Variants in GAP43 observed in about 807,000 individuals in gnomAD.
The protein encoded by GAP43 is neuromodulin.
GAP43 carries 6 observed loss-of-function variants against 18.6 expected under a neutral mutation model. That is an observed-to-expected ratio of 0.32 (90% confidence interval 0.18 to 0.64). The LOEUF is 0.64. GAP43 is among the 30% of genes least tolerant of loss of function. GAP43 has a pLI of 0.78. For missense variants in GAP43, 292 were observed against 295.5 expected (o/e 0.99, Z 0.09); for synonymous variants, 115 against 111.4 (o/e 1.03, Z -0.20).
chr3:115,675,914 C>A, intron 1 of GAP43, 99 bp from the exon 2 acceptor site: 1 of 1,499,042 alleles, frequency 6.7e-7, no homozygotes, highest in Non-Finnish European at 8.9e-7. Context: ...CAGTGCCTGG[C>A]ACAAAATAAA....
At chr3:115,639,513 T>C (rs1708371306) in intron 1 of GAP43, among the ~76,000 whole-genome samples, 1 of 152,112 alleles carries the variant, frequency 6.6e-6, no homozygotes, top group African/African-American at 2.4e-5. Context: ...AGGTTTCAGA[T>C]CTTCCCCTTT....
intron 2 of GAP43, among the ~76,000 whole-genome samples, chr3:115,697,982 T>C (rs1559804023): frequency 9.9e-6 from 1 of 101,032 alleles, no homozygotes; most frequent in Non-Finnish European, 1.7e-5. Flanking sequence ...AGAGTACATG[T>C]GCGTGTGTGT....
intron 2 of GAP43, among the ~76,000 whole-genome samples, chr3:115,679,030 G>C (rs973761536): frequency 6.6e-6 from 1 of 151,872 alleles, no homozygotes; most frequent in Non-Finnish European, 1.5e-5. Context: ...GCCCTGTACT[G>C]CATTTCCTCT....
Position 115,676,349 on chromosome 3 carries a change from G to C in GAP43, c.367G>C (p.Ala123Pro). The C allele has an allele frequency of 6.2e-7, 1 of 1,614,126 alleles. No homozygotes were observed. The highest frequency in any genetic ancestry group is 1.1e-5 in the South Asian group (1 of 91,078). Residue 123 changes from alanine to proline, a missense_variant, in exon 2 of 3, where the codon GCA becomes CCA. Ala to Pro is a conservative substitution (Grantham distance 27). Transcript: ENST00000305124. Reference protein sequence around the residue: ...KGEGDAATEQAAPQAPASSEE... With the variant: ...KGEGDAATEQPAPQAPASSEE... ...GGAGGGTGATGCTGCCACAGAGCAG[G>C]CAGCCCCCCAGGCTCCTGCATCCTC...
intron 2 of GAP43, among the ~76,000 whole-genome samples, chr3:115,702,144 A>G (rs940058504): frequency 2.2e-4 from 34 of 152,162 alleles, no homozygotes; most frequent in Admixed American, 1.8e-3. Context: ...TTACTTGGGA[A>G]GTAAGAATTT....
intron 1 of GAP43, among the ~76,000 whole-genome samples, chr3:115,675,609 C>T (rs1708872159): frequency 6.6e-6 from 1 of 151,642 alleles, no homozygotes; most frequent in Non-Finnish European, 1.5e-5. Context: ...AAATACAAAA[C>T]TTAGTCGAGT....
rs551251288 is a variant in GAP43, at chr3:115,628,235, C to T, written c.30+4516C>T. ...TTCTGCTTGTGCTCTTGCTCCTCCC[C>T]CCGTGTTTTCCCCAGAGCCCCAGTC... is the stretch of plus-strand genomic sequence containing the variant. On this transcript the variant is annotated intron_variant, in intron 1 of 2. Coordinates refer to ENST00000305124, the MANE Select transcript of GAP43 (RefSeq NM_002045.4). Among the ~76,000 whole-genome samples the T allele has an allele frequency of 1.6e-4, 24 of 152,004 alleles. No homozygotes were observed. In the South Asian group the frequency reaches 4.2e-3, roughly 26 times the overall value.
chr3:115,678,556 T>C (rs1035070629), intron 2 of GAP43, among the ~76,000 whole-genome samples: 4 of 151,816 alleles, frequency 2.6e-5, no homozygotes, highest in African/African-American at 7.3e-5. Context: ...GAATATAAAT[T>C]GATGAAATTT....
At chr3:115,694,399 G>A (rs1371811389) in intron 2 of GAP43, among the ~76,000 whole-genome samples, 1 of 152,148 alleles carries the variant, frequency 6.6e-6, no homozygotes, top group African/African-American at 2.4e-5. Context: ...ATGCATATTT[G>A]ATAGCTTTGA....
chr3:115,657,178 A>G (rs746740296), intron 1 of GAP43, among the ~76,000 whole-genome samples: 11 of 152,196 alleles, frequency 7.2e-5, no homozygotes, highest in Non-Finnish European at 1.3e-4. Flanking sequence ...GGAGAGGGCA[A>G]AGAGAAAACA....
intron 1 of GAP43, among the ~76,000 whole-genome samples, chr3:115,653,798 G>A (rs1037865519): frequency 6.6e-6 from 1 of 152,074 alleles, no homozygotes; most frequent in African/African-American, 2.4e-5. Flanking sequence ...CCATCCAAAT[G>A]TAGGTATTGC....
In GAP43 at chr3:115,698,161, A is replaced by AT. The variant is rs1709236799; in HGVS notation, c.628+21552dup. The stretch of plus-strand genomic sequence containing the variant: ...ATATAATATATATTATATATAATAT[A>AT]TAAAATATATTAAATAATATATATA... On this transcript the variant is annotated intron_variant, in intron 2 of 2. Coordinates refer to ENST00000305124, the MANE Select transcript of GAP43 (RefSeq NM_002045.4). Among the ~76,000 whole-genome samples the AT allele has an allele frequency of 1.0e-4, 6 of 58,832 alleles. 1 individual carries two copies. The East Asian group carries it at 2.7e-3, about 26-fold the overall frequency. The allele number at this position is 58,832 out of a possible 152,430, so 38.6% of individuals were successfully genotyped here. A position where few individuals can be genotyped will look rare whatever the true frequency, so the allele number is the denominator to read the frequency against.
At chr3:115,720,439 T>C (rs1709563205) in intron 2 of GAP43, among the ~76,000 whole-genome samples, 4 of 152,226 alleles carry the variant, frequency 2.6e-5, no homozygotes, top group Admixed American at 2.6e-4. Flanking sequence ...CTGACACTAA[T>C]AGAACAGCAA....
At chr3:115,647,139 G>T (rs1219716355) in intron 1 of GAP43, among the ~76,000 whole-genome samples, 1 of 151,352 alleles carries the variant, frequency 6.6e-6, no homozygotes, top group East Asian at 2.0e-4. Flanking sequence ...AAGCCCTTAT[G>T]AATGGGATTA....
chr3:115,656,193 A>G (rs1024260151), intron 1 of GAP43, among the ~76,000 whole-genome samples: 1 of 152,168 alleles, frequency 6.6e-6, no homozygotes, highest in Non-Finnish European at 1.5e-5. Flanking sequence ...TCTTATGTTC[A>G]GTGGGTCTAT....
intron 2 of GAP43, among the ~76,000 whole-genome samples, chr3:115,719,090 CT>C (rs1709545764): frequency 6.6e-6 from 1 of 152,178 alleles, no homozygotes; most frequent in South Asian, 2.1e-4. Flanking sequence ...TGCTCAAGTG[CT>C]TTCAAGCTAT....
intron 2 of GAP43, among the ~76,000 whole-genome samples, chr3:115,716,561 T>G (rs1257358412): frequency 1.3e-5 from 2 of 151,394 alleles, no homozygotes; most frequent in African/African-American, 4.8e-5. Flanking sequence ...TATTTTCCTC[T>G]CCATAATTTC....
chr3:115,669,069 T>TAC (rs151338962), intron 1 of GAP43, among the ~76,000 whole-genome samples: 24,907 of 145,392 alleles, frequency 0.17, 2,364 homozygotes, highest in East Asian at 0.47. Context: ...AAAGAAAAAG[T>TAC]ACACACACAC....
chr3:115,664,013 T>C (rs1054081354), intron 1 of GAP43: 3 of 1,125,114 alleles, frequency 2.7e-6, no homozygotes, highest in Non-Finnish European at 3.8e-6. Context: ...ATTACTTAAT[T>C]ACTTAACTAA....
Sources: gnomAD v4.1 joint callset for allele counts (sites outside exome capture counted in the v4.1 genomes callset) on GRCh38, gnomAD v4.1.1 for gene constraint, MANE v1.5 for transcripts, NCBI Gene and HGNC (gene_info 2026-07-23, HGNC 2026-07-21) for gene names.